CADPS: variants seen among roughly 807,000 people sequenced by gnomAD.
CADPS encodes the protein calcium-dependent secretion activator 1.
CADPS carries 57 observed loss-of-function variants against 167.3 expected under a neutral mutation model. The observed-to-expected ratio is 0.34, with a 90% CI of 0.28 to 0.42. The LOEUF is 0.42. CADPS is among the 20% of genes least tolerant of loss of function. The pLI is 1.00. For missense variants in CADPS, 1,414 were observed against 1,738.1 expected (o/e 0.81, Z 3.32); for synonymous variants, 676 against 635.3 (o/e 1.06, Z -0.96).
intron 1 of CADPS, among the ~76,000 whole-genome samples, chr3:62,804,486 T>C (rs2093967781): frequency 6.6e-6 from 1 of 152,172 alleles, no homozygotes; most frequent in Non-Finnish European, 1.5e-5. Flanking sequence ...ACAGCCCTTA[T>C]TTATATTAAT....
chr3:62,679,706 G>C (rs1326724209), intron 3 of CADPS, among the ~76,000 whole-genome samples: 1 of 151,984 alleles, frequency 6.6e-6, no homozygotes, highest in Non-Finnish European at 1.5e-5. Flanking sequence ...TCAACTCCCT[G>C]CATTGACCCT....
intron 1 of CADPS, among the ~76,000 whole-genome samples, chr3:62,809,238 G>A (rs879618606): frequency 5.9e-5 from 9 of 151,956 alleles, no homozygotes; most frequent in Non-Finnish European, 1.0e-4. Context: ...ATTGAATCAC[G>A]TTGCTCCTCC....
intron 10 of CADPS, 74 bp downstream of exon 10, chr3:62,557,331 G>A: frequency 2.0e-6 from 2 of 997,528 alleles, no homozygotes; most frequent in South Asian, 2.6e-5. Context: ...TAAGTGCCCA[G>A]CAATTATTAG....
chr3:62,599,531 TTA>T (rs1179392661), intron 6 of CADPS, among the ~76,000 whole-genome samples: 8 of 96,472 alleles, frequency 8.3e-5, no homozygotes, highest in Admixed American at 3.4e-4. Context: ...TACATATATA[TTA>T]TATATATTAT....
intron 13 of CADPS, among the ~76,000 whole-genome samples, chr3:62,519,200 A>G (rs569070353): frequency 6.6e-6 from 1 of 152,316 alleles, no homozygotes; most frequent in Non-Finnish European, 1.5e-5. Context: ...TGGCTGAGCC[A>G]GTTTGCAGAT....
chr3:62,401,936 G>A (rs888361349), intron 29 of CADPS, among the ~76,000 whole-genome samples: 32 of 152,116 alleles, frequency 2.1e-4, no homozygotes, highest in Non-Finnish European at 3.4e-4. Context: ...GTGCATTTAT[G>A]CACAGAAAAT....
intron 17 of CADPS, among the ~76,000 whole-genome samples, chr3:62,511,263 T>C (rs1013140367): frequency 6.6e-6 from 1 of 152,276 alleles, no homozygotes; most frequent in Non-Finnish European, 1.5e-5. Context: ...CCTGCCTACC[T>C]TGCCATCATC....
intron 13 of CADPS, 96 bp from the exon 14 acceptor site, chr3:62,518,346 A>G (rs1251128531): frequency 5.7e-6 from 5 of 871,914 alleles, no homozygotes; most frequent in Non-Finnish European, 9.0e-6. Context: ...TTTAGAAGAA[A>G]CAACTACAGT....
chr3:62,581,470 A>C lies in CADPS; in HGVS notation c.1577+3715T>G, dbSNP rs1467983164. The stretch of plus-strand genomic sequence containing the variant: ...AAATTAAAAAAAAAAAAAAAAAAGG[A>C]GTTCGAGACCAGCCAAGACAACATA... On this transcript the variant is annotated intron_variant, in intron 8 of 29. Coordinates refer to ENST00000383710, the MANE Select transcript of CADPS (RefSeq NM_003716.4). Among the ~76,000 whole-genome samples the C allele has an allele frequency of 2.0e-5, 3 of 146,746 alleles. No homozygotes were observed. The East Asian group carries it at 5.9e-4, about 29-fold the overall frequency.
chr3:62,844,538 G>A (rs1458100272), intron 1 of CADPS, among the ~76,000 whole-genome samples: 1 of 152,148 alleles, frequency 6.6e-6, no homozygotes, highest in East Asian at 1.9e-4. Flanking sequence ...GAATGCCTGT[G>A]AAAGCCAAGG....
At chr3:62,416,467 A>G in intron 28 of CADPS, among the ~76,000 whole-genome samples, 1 of 152,214 alleles carries the variant, frequency 6.6e-6, no homozygotes. Flanking sequence ...GGAAAGCTCC[A>G]AATAGAGTCG....
At chr3:62,449,530 C>T (rs566288723) in intron 26 of CADPS, among the ~76,000 whole-genome samples, 10 of 152,116 alleles carry the variant, frequency 6.6e-5, no homozygotes, top group Non-Finnish European at 1.5e-5. Flanking sequence ...AGGAATATGT[C>T]TTTTTGCCAG....
chr3:62,503,435 C>T (rs939023281), intron 17 of CADPS, among the ~76,000 whole-genome samples: 6 of 152,216 alleles, frequency 3.9e-5, no homozygotes, highest in African/African-American at 1.4e-4. Flanking sequence ...CTCTGTAAAG[C>T]TCAAGATGCC....
intron 4 of CADPS, among the ~76,000 whole-genome samples, chr3:62,656,252 GT>G (rs763965378): frequency 1.4e-4 from 21 of 152,064 alleles, no homozygotes; most frequent in Non-Finnish European, 1.8e-4. Flanking sequence ...AATAATGATG[GT>G]GCCTATAGTA....
At chr3:62,641,222 T>C (rs2067350188) in intron 6 of CADPS, among the ~76,000 whole-genome samples, 1 of 152,212 alleles carries the variant, frequency 6.6e-6, no homozygotes, top group Non-Finnish European at 1.5e-5. Context: ...CTTAACTGGA[T>C]GCTGTTGCCT....
In CADPS at chr3:62,854,096, A is replaced by AT. The variant is rs546540747; in HGVS notation, c.441+20492_441+20493insA. ...CTGAGCATTTTCAAGGCCATTAAAA[A>AT]ATATATATTTGGAATGAACTAAAAT... On this transcript the variant is annotated intron_variant, in intron 1 of 29. Coordinates refer to ENST00000383710, the MANE Select transcript of CADPS (RefSeq NM_003716.4). Among the ~76,000 whole-genome samples, 351 of 152,322 alleles carry AT rather than the reference A, an allele frequency of 2.3e-3. 4 individuals carry two copies. The highest frequency in any genetic ancestry group is 8.1e-3 in the African/African-American group (337 of 41,576).
At chr3:62,413,710 A>G (rs184828489) in intron 28 of CADPS, among the ~76,000 whole-genome samples, 12 of 152,290 alleles carry the variant, frequency 7.9e-5, no homozygotes, top group Admixed American at 2.6e-4. Flanking sequence ...ATATAATACT[A>G]TTGAACTGTA....
intron 20 of CADPS, among the ~76,000 whole-genome samples, chr3:62,492,079 A>G (rs963042229): frequency 4.6e-5 from 7 of 152,216 alleles, no homozygotes; most frequent in Non-Finnish European, 1.0e-4. Context: ...TATTCTGTCT[A>G]GTTAAGAGAG....
intron 28 of CADPS, among the ~76,000 whole-genome samples, chr3:62,413,697 T>A (rs11927778): frequency 6.8e-4 from 104 of 152,264 alleles, no homozygotes; most frequent in African/African-American, 2.4e-3. Context: ...ACACTGTGAA[T>A]CTATATAATA....
Sources: gnomAD v4.1 joint callset for allele counts (sites outside exome capture counted in the v4.1 genomes callset) on GRCh38, gnomAD v4.1.1 for gene constraint, MANE v1.5 for transcripts, NCBI Gene and HGNC (gene_info 2026-07-23, HGNC 2026-07-21) for gene names.